GALNT2: variants seen among roughly 807,000 people sequenced by gnomAD.
GALNT2 encodes UDP-GalNAc:polypeptide N-acetylgalactosaminyltransferase 2.
Under a neutral mutation model 81.4 loss-of-function variants are expected in GALNT2, and 31 were observed. The ratio of observed to expected loss-of-function variants is 0.38; its 90% CI spans 0.29 to 0.51. The LOEUF (loss-of-function observed/expected upper bound fraction) is 0.51. Ranked by LOEUF, GALNT2 falls within the 20% of genes least tolerant of loss-of-function variation. GALNT2 has a pLI of 0.87. For missense variants in GALNT2, 629 were observed against 765.7 expected (o/e 0.82, Z 2.11); for synonymous variants, 303 against 287.4 (o/e 1.05, Z -0.55).
At chr1:230,113,834 G>A (rs1660769181) in intron 1 of GALNT2, among the ~76,000 whole-genome samples, 1 of 152,164 alleles carries the variant, frequency 6.6e-6, no homozygotes, top group Admixed American at 6.5e-5. Flanking sequence ...CCAAATGTGG[G>A]AAGCGAGGCC....
intron 3 of GALNT2, among the ~76,000 whole-genome samples, chr1:230,211,326 G>A (rs1002907126): frequency 6.6e-6 from 1 of 152,206 alleles, no homozygotes; most frequent in South Asian, 2.1e-4. Flanking sequence ...GGGGACAGGC[G>A]CTTCTCTAGG....
chr1:230,262,786 TG>T, intron 12 of GALNT2, 121 bp downstream of exon 12: 1 of 1,303,906 alleles, frequency 7.7e-7, no homozygotes, highest in Non-Finnish European at 1.1e-6. Context: ...GAAGGGGTTG[TG>T]GGCACAGGAG....
At chr1:230,101,125 T>C (rs530006516) in intron 1 of GALNT2, among the ~76,000 whole-genome samples, 10 of 152,336 alleles carry the variant, frequency 6.6e-5, no homozygotes, top group Admixed American at 5.9e-4. Context: ...AAGTACACTC[T>C]GATCACACGA....
chr1:230,143,242 T>C (rs1318271427), intron 1 of GALNT2, among the ~76,000 whole-genome samples: 1 of 149,142 alleles, frequency 6.7e-6, no homozygotes, highest in Non-Finnish European at 1.5e-5. Context: ...GGGTCCTCAC[T>C]CTCTCTGGCT....
intron 1 of GALNT2, among the ~76,000 whole-genome samples, chr1:230,175,796 C>G (rs1199283629): frequency 6.6e-6 from 1 of 151,506 alleles, no homozygotes; most frequent in Admixed American, 6.6e-5. Context: ...TGTGAGTGAC[C>G]TCCTAGAAAT....
In GALNT2 at chr1:230,250,639, T is replaced by G. The variant is rs1257042553; in HGVS notation, c.1009+79T>G. The G allele has an allele frequency of 8.0e-6, 8 of 995,622 alleles. No homozygotes were observed. In the Admixed American group the frequency reaches 1.7e-4, roughly 21 times the overall value. The allele number at this position is 995,622 out of a possible 1,614,324, so 61.7% of individuals were successfully genotyped here. ...GCAGGGTGCCAATTGGAAAAAAAAT[T>G]TAAAAGGCTTCAGAGTGACCATTCA... On this transcript the variant is annotated intron_variant, in intron 10 of 15. Transcript: ENST00000366672.
At position 230,260,388 on chromosome 1, in the gene GALNT2, A is replaced by G. The variant is rs376694217; in HGVS notation, c.1137-2185A>G. On this transcript the variant is annotated intron_variant, in intron 11 of 15. Transcript: ENST00000366672. ...TAGCACTGAGTAGCACATGGAGATCATTCCTTGGGGCTGCCTAGTTATCCT... is the reference window on the plus strand; with the variant it reads ...TAGCACTGAGTAGCACATGGAGATCGTTCCTTGGGGCTGCCTAGTTATCCT... Among the ~76,000 whole-genome samples the G allele has an allele frequency of 7.9e-5, 12 of 152,348 alleles. No individual in the cohort carries two copies. In the South Asian group the frequency reaches 2.3e-3, roughly 29 times the overall value.
intron 1 of GALNT2, among the ~76,000 whole-genome samples, chr1:230,124,834 T>G (rs111371220): frequency 5.9e-4 from 89 of 151,830 alleles, no homozygotes; most frequent in African/African-American, 2.0e-3. Flanking sequence ...GTGGCCTGTC[T>G]GGGAATGTGG....
rs1256258634 is a variant in GALNT2 at position 230,236,264 on chromosome 1, T to C, written c.474-89T>C. 2.7e-5 allele frequency: 38 copies of C among 1,432,196 alleles called. No homozygotes were observed. In the South Asian group the frequency reaches 4.6e-4, roughly 17 times the overall value. The allele number at this position is 1,432,196 out of a possible 1,614,324, so 88.7% of individuals were successfully genotyped here. ...GTGTGTAGCTCCTCCAACCAAGGGT[T>C]AGGACCAACATATGAGAATTTTCTA... On this transcript the variant is annotated intron_variant, in intron 4 of 15. Coordinates refer to ENST00000366672, the MANE Select transcript of GALNT2 (RefSeq NM_004481.5).
At chr1:230,237,224 G>A (rs1665059477) in intron 6 of GALNT2, among the ~76,000 whole-genome samples, 1 of 152,228 alleles carries the variant, frequency 6.6e-6, no homozygotes, top group Non-Finnish European at 1.5e-5. Context: ...CTGTGCTGGA[G>A]CTGAGCTCAT....
chr1:230,153,324 G>A lies in GALNT2; in HGVS notation c.127-24894G>A, dbSNP rs568052628. On this transcript the variant is annotated intron_variant, in intron 1 of 15. Coordinates refer to ENST00000366672, the MANE Select transcript of GALNT2 (RefSeq NM_004481.5). ...CAAACTCAGATGTCTGCTAATGATC[G>A]GTTCTTTTCTCCTTACATGCGGGAG... 1.2e-3 allele frequency among the ~76,000 whole-genome samples: 180 copies of A among 152,268 alleles called. 2 individuals are homozygous for A. Among genetic ancestry groups the A allele is most frequent in the Non-Finnish European group, 1.7e-3 (119 of 68,020 alleles).
chr1:230,239,822 G>A (rs1665144935), intron 6 of GALNT2, among the ~76,000 whole-genome samples: 1 of 152,084 alleles, frequency 6.6e-6, no homozygotes, highest in Non-Finnish European at 1.5e-5. Flanking sequence ...TAGCTTTTCA[G>A]CAATACTTTT....
At position 230,070,886 on chromosome 1, in the gene GALNT2, G is replaced by C. The variant is rs1032175130; in HGVS notation, c.126+3480G>C. On this transcript the variant is annotated intron_variant, in intron 1 of 15. Coordinates refer to ENST00000366672, the MANE Select transcript of GALNT2 (RefSeq NM_004481.5). This position sits in a 1 kb window ranked among gnomAD's most constrained non-coding sequence, Gnocchi z 4.7. ...TTTGAGCTAGTAGTAGACATTAAAG[G>C]GAAATGGCACAAATCCACTTATTGG... 6.6e-6 allele frequency among the ~76,000 whole-genome samples: 1 copy of C among 152,178 alleles called. No homozygotes were observed. Among genetic ancestry groups the C allele is most frequent in the African/African-American group, 2.4e-5 (1 of 41,444 alleles).
chr1:230,201,872 A>G (rs1663903773), intron 2 of GALNT2, among the ~76,000 whole-genome samples: 1 of 152,100 alleles, frequency 6.6e-6, no homozygotes, highest in Non-Finnish European at 1.5e-5. Flanking sequence ...TCATCTTGCT[A>G]GGCCTTACCA....
At chr1:230,207,888 A>G (rs927423110) in intron 3 of GALNT2, among the ~76,000 whole-genome samples, 8 of 151,832 alleles carry the variant, frequency 5.3e-5, no homozygotes, top group African/African-American at 1.9e-4. Flanking sequence ...GCCCCATCCT[A>G]GTTTTGAAAG....
At position 230,072,861 on chromosome 1, in the gene GALNT2, A is replaced by G. The variant is rs1016560958; in HGVS notation, c.126+5455A>G. 4.6e-5 allele frequency among the ~76,000 whole-genome samples: 7 copies of G among 152,246 alleles called. No homozygotes were observed. The South Asian group carries it at 6.2e-4, about 13-fold the overall frequency. On this transcript the variant is annotated intron_variant, in intron 1 of 15. Transcript: ENST00000366672. ...TTGGACCCACTTCTGTGCCTGTGCC[A>G]TAGTGAACATGCTGATTGTCACCCC...
chr1:230,279,417 C>T lies in GALNT2; in HGVS notation c.1675C>T (p.Leu559Phe). ...GLSVEVCGPA[L>F]SQQWKFTLNL... ...AAGCGTGGAGGTGTGTGGCCCGGCCCTTTCGCAGCAGTGGAAGTTCACGCT... is the reference window on the plus strand; with the variant it reads ...AAGCGTGGAGGTGTGTGGCCCGGCCTTTTCGCAGCAGTGGAAGTTCACGCT... The change falls in exon 16 of 16, where the codon CTT becomes TTT. Residue 559 changes from leucine to phenylalanine, a missense_variant. Coordinates refer to ENST00000366672, the MANE Select transcript of GALNT2 (RefSeq NM_004481.5). This position sits in a 1 kb window ranked among gnomAD's most constrained non-coding sequence, Gnocchi z 4.6. The T allele has an allele frequency of 6.2e-7, 1 of 1,614,158 alleles. No individual in the cohort carries two copies.
At chr1:230,277,248 A>G (rs995479103) in intron 15 of GALNT2, among the ~76,000 whole-genome samples, 2 of 152,142 alleles carry the variant, frequency 1.3e-5, no homozygotes, top group Non-Finnish European at 2.9e-5. Flanking sequence ...TGCCTTGAAA[A>G]TCTGCGCTCC....
intron 6 of GALNT2, among the ~76,000 whole-genome samples, chr1:230,240,583 C>A (rs1665171179): frequency 6.6e-6 from 1 of 152,036 alleles, no homozygotes; most frequent in Non-Finnish European, 1.5e-5. Context: ...CAGGGTGAGA[C>A]TCTGTCTCAG....
Sources: gnomAD v4.1 joint callset for allele counts (sites outside exome capture counted in the v4.1 genomes callset) on GRCh38, gnomAD v4.1.1 for gene constraint, Gnocchi (gnomAD v3.1) non-coding constraint, MANE v1.5 for transcripts, NCBI Gene and HGNC (gene_info 2026-07-23, HGNC 2026-07-21) for gene names.